INPP4B: variants seen among roughly 807,000 people sequenced by gnomAD.
INPP4B encodes inositol polyphosphate-4-phosphatase type II B.
In INPP4B, 55 loss-of-function variants were observed where a neutral mutation model predicts 122.5. That is an observed-to-expected ratio of 0.45 (90% confidence interval 0.36 to 0.56). The LOEUF is 0.56. Ranked by LOEUF, INPP4B falls within the 20% of genes least tolerant of loss-of-function variation. The pLI is 0.00. For synonymous variants in INPP4B, 403 were observed against 388.7 expected (o/e 1.04, Z -0.43); for missense variants, 1,000 against 1,097.7 (o/e 0.91, Z 1.26).
intron 10 of INPP4B, among the ~76,000 whole-genome samples, chr4:142,262,465 T>C (rs1740560101): frequency 6.6e-6 from 1 of 152,200 alleles, no homozygotes; most frequent in Non-Finnish European, 1.5e-5. Flanking sequence ...AAGTTTCAGC[T>C]CAAACATCAC....
At chr4:142,184,247 A>G (rs956608176) in intron 15 of INPP4B, among the ~76,000 whole-genome samples, 1 of 152,192 alleles carries the variant, frequency 6.6e-6, no homozygotes, top group African/African-American at 2.4e-5. Context: ...TCACTATTGC[A>G]TTACTGATAT....
At chr4:142,510,025 T>C (rs184687799) in intron 2 of INPP4B, among the ~76,000 whole-genome samples, 92 of 152,310 alleles carry the variant, frequency 6.0e-4, no homozygotes, top group Middle Eastern at 3.4e-3. Context: ...GAGCAAACTA[T>C]CTCTTCCAAC....
chr4:142,300,867 A>G (rs931185449), intron 9 of INPP4B, among the ~76,000 whole-genome samples: 4 of 152,182 alleles, frequency 2.6e-5, no homozygotes, highest in African/African-American at 4.8e-5. Flanking sequence ...GTCCCTTCGT[A>G]TGAATAAATA....
At chr4:142,776,055 T>C (rs1382733104) in intron 1 of INPP4B, among the ~76,000 whole-genome samples, 2 of 152,192 alleles carry the variant, frequency 1.3e-5, no homozygotes, top group Non-Finnish European at 2.9e-5. Context: ...AGCGCTGATA[T>C]GTGCTTCTCT....
At chr4:142,363,814 A>C (rs1414445709) in intron 7 of INPP4B, among the ~76,000 whole-genome samples, 1 of 152,074 alleles carries the variant, frequency 6.6e-6, no homozygotes, top group Non-Finnish European at 1.5e-5. Context: ...GTCTTCCAAC[A>C]TCCATGAAAG....
At chr4:142,688,618 A>C (rs550694124) in intron 2 of INPP4B, among the ~76,000 whole-genome samples, 2 of 152,290 alleles carry the variant, frequency 1.3e-5, no homozygotes, top group South Asian at 4.1e-4. Context: ...GTCCTTGTTC[A>C]TTCCTGGGCA....
At chr4:142,676,908 A>T (rs1293833433) in intron 2 of INPP4B, among the ~76,000 whole-genome samples, 1 of 152,176 alleles carries the variant, frequency 6.6e-6, no homozygotes, top group Non-Finnish European at 1.5e-5. Flanking sequence ...AACTTAGGCC[A>T]TACCATTTAG....
rs530915419 is a variant in INPP4B at position 142,805,309 on chromosome 4, A to G, written c.-254+40900T>C. Among the ~76,000 whole-genome samples the G allele has an allele frequency of 3.5e-4, 53 of 152,340 alleles. No individual in the cohort carries two copies. The Middle Eastern group carries it at 0.014, about 39-fold the overall frequency. Reference sequence around the variant, plus strand: ...AATCACTGTTAATACTTAACATTATATAAGATGTATTAGGGGAGTCAATTA... The same window carrying G: ...AATCACTGTTAATACTTAACATTATGTAAGATGTATTAGGGGAGTCAATTA... On this transcript the variant is annotated intron_variant, in intron 1 of 25. Transcript: ENST00000262992.
At chr4:142,740,489 C>G (rs891408647) in intron 1 of INPP4B, among the ~76,000 whole-genome samples, 3 of 151,950 alleles carry the variant, frequency 2.0e-5, no homozygotes, top group African/African-American at 4.8e-5. Context: ...CTCACAAGGG[C>G]AAAATGAAGT....
At chr4:142,188,058 A>G (rs1187466511) in intron 15 of INPP4B, among the ~76,000 whole-genome samples, 1 of 152,196 alleles carries the variant, frequency 6.6e-6, no homozygotes, top group Non-Finnish European at 1.5e-5. Flanking sequence ...GGAATATTAC[A>G]AGTATGATTT....
intron 25 of INPP4B, among the ~76,000 whole-genome samples, chr4:142,067,378 A>G (rs1455159267): frequency 6.6e-6 from 1 of 152,246 alleles, no homozygotes; most frequent in African/African-American, 2.4e-5. Flanking sequence ...GGGATAAACC[A>G]GAGCAGAAAA....
intron 1 of INPP4B, among the ~76,000 whole-genome samples, chr4:142,739,438 T>C (rs1219286333): frequency 6.6e-6 from 1 of 152,046 alleles, no homozygotes; most frequent in African/African-American, 2.4e-5. Flanking sequence ...GGGCATTAGA[T>C]GGTAATGAGT....
intron 2 of INPP4B, among the ~76,000 whole-genome samples, chr4:142,694,684 A>G (rs1043143060): frequency 6.6e-6 from 1 of 152,174 alleles, no homozygotes; most frequent in Non-Finnish European, 1.5e-5. Context: ...GAAGGGTCAG[A>G]CATTATCTGC....
intron 7 of INPP4B, among the ~76,000 whole-genome samples, chr4:142,363,431 A>C (rs1329444939): frequency 6.6e-6 from 1 of 151,924 alleles, no homozygotes; most frequent in Non-Finnish European, 1.5e-5. Context: ...ACATGTGTAT[A>C]TATTTATATA....
At position 142,191,230 on chromosome 4, in the gene INPP4B, C is replaced by T. The variant is rs545498939; in HGVS notation, c.1181+1857G>A. 8.5e-5 allele frequency among the ~76,000 whole-genome samples: 13 copies of T among 152,180 alleles called. No homozygotes were observed. In the South Asian group the frequency reaches 1.7e-3, roughly 19 times the overall value. On this transcript the variant is annotated intron_variant, in intron 15 of 25. Transcript: ENST00000262992. Reference sequence around the variant, plus strand: ...AGCAATGATATTACAGTGAGTTCCACGGGATTTTTCTTGCCTTCTATAATG... The same window carrying T: ...AGCAATGATATTACAGTGAGTTCCATGGGATTTTTCTTGCCTTCTATAATG...
chr4:142,545,791 G>T (rs796453832), intron 2 of INPP4B, among the ~76,000 whole-genome samples: 1 of 98,416 alleles, frequency 1.0e-5, no homozygotes, highest in Non-Finnish European at 2.1e-5. Context: ...ACATATATAT[G>T]TGTGTATATA....
At chr4:142,590,834 G>T (rs1737278468) in intron 2 of INPP4B, among the ~76,000 whole-genome samples, 1 of 137,360 alleles carries the variant, frequency 7.3e-6, no homozygotes, top group Non-Finnish European at 1.5e-5. Context: ...CTCAATAGCA[G>T]CAAAGCACAG....
At chr4:142,820,389 C>A (rs2151151131) in intron 1 of INPP4B, among the ~76,000 whole-genome samples, 1 of 152,180 alleles carries the variant, frequency 6.6e-6, no homozygotes, top group African/African-American at 2.4e-5. Flanking sequence ...CTCTCACTTC[C>A]CCTCTTACCA....
At chr4:142,676,735 T>C (rs1472167730) in intron 2 of INPP4B, among the ~76,000 whole-genome samples, 1 of 152,112 alleles carries the variant, frequency 6.6e-6, no homozygotes, top group Non-Finnish European at 1.5e-5. Flanking sequence ...AAACAAGCAG[T>C]GGGCAAAGTA....
Sources: gnomAD v4.1 joint callset for allele counts (sites outside exome capture counted in the v4.1 genomes callset) on GRCh38, gnomAD v4.1.1 for gene constraint, MANE v1.5 for transcripts, NCBI Gene and HGNC (gene_info 2026-07-23, HGNC 2026-07-21) for gene names.